Variants in JARID2 observed in about 807,000 individuals in gnomAD.
JARID2 encodes the protein jumonji and AT-rich interaction domain containing 2, also known as protein Jumonji.
Under a neutral mutation model 125.6 loss-of-function variants are expected in JARID2, and 21 were observed. That is an observed-to-expected ratio of 0.17 (90% CI 0.12 to 0.24). The LOEUF (loss-of-function observed/expected upper bound fraction) is 0.24. JARID2 is among the 10% of genes least tolerant of loss of function. The pLI is 1.00. For synonymous variants in JARID2, 736 were observed against 661.6 expected, an observed-to-expected ratio of 1.11 and a Z score of -1.73; for missense variants, 1,303 against 1,639.6, an observed-to-expected ratio of 0.79 and a Z score of 3.55.
In JARID2 at chr6:15,372,974, T is replaced by C. The variant is rs371869858; in HGVS notation, c.46-1143T>C. Among the ~76,000 whole-genome samples, 7 of 152,198 alleles carry C rather than the reference T, an allele frequency of 4.6e-5. No homozygotes were observed. The East Asian group carries it at 1.3e-3, about 29-fold the overall frequency. On this transcript the variant is annotated intron_variant, in intron 1 of 17. Coordinates refer to ENST00000341776, the MANE Select transcript of JARID2 (RefSeq NM_004973.4). ...TGCCCATCTTGGCCCCCAAAAGTGCTGGGATTACAGGCGTGAGGCACCATG... is the reference window on the plus strand; with the variant it reads ...TGCCCATCTTGGCCCCCAAAAGTGCCGGGATTACAGGCGTGAGGCACCATG...
At chr6:15,287,632 C>T (rs1761053781) in intron 1 of JARID2, among the ~76,000 whole-genome samples, 1 of 152,188 alleles carries the variant, frequency 6.6e-6, no homozygotes, top group African/African-American at 2.4e-5. Flanking sequence ...TTCAAGTTCA[C>T]AGACTTCAGA....
chr6:15,487,241 T>G, intron 5 of JARID2, 66 bp from the exon 6 acceptor site: 2 of 1,339,966 alleles, frequency 1.5e-6, no homozygotes, highest in Non-Finnish European at 2.1e-6. Flanking sequence ...AGCCAAACCA[T>G]ATCAGTAGTT....
intron 5 of JARID2, among the ~76,000 whole-genome samples, chr6:15,479,316 G>T (rs959181266): frequency 3.3e-5 from 5 of 152,188 alleles, no homozygotes; most frequent in African/African-American, 9.7e-5. Flanking sequence ...CTGATTTATG[G>T]TCTTTCTGTT....
intron 3 of JARID2, among the ~76,000 whole-genome samples, chr6:15,421,112 G>C (rs1224267777): frequency 6.6e-6 from 1 of 152,002 alleles, no homozygotes; most frequent in Non-Finnish European, 1.5e-5. Flanking sequence ...CTCAACCCCG[G>C]CTCTGCTTGC....
chr6:15,317,002 G>T (rs1272174441), intron 1 of JARID2, among the ~76,000 whole-genome samples: 1 of 152,194 alleles, frequency 6.6e-6, no homozygotes, highest in African/African-American at 2.4e-5. Flanking sequence ...GGGTTTCAAT[G>T]AGTGTACTTT....
chr6:15,392,680 CTTTTTTT>C (rs35429221), intron 2 of JARID2, among the ~76,000 whole-genome samples: 1 of 120,918 alleles, frequency 8.3e-6, no homozygotes, highest in Non-Finnish European at 1.7e-5. Context: ...GATTAAGAGA[CTTTTTTT>C]TTTTTTTTTT....
At chr6:15,439,998 T>G (rs1767376329) in intron 3 of JARID2, among the ~76,000 whole-genome samples, 1 of 152,232 alleles carries the variant, frequency 6.6e-6, no homozygotes, top group South Asian at 2.1e-4. Context: ...GTTGGTTCCG[T>G]GCCTGAAACA....
At chr6:15,385,526 T>A (rs1764752012) in intron 2 of JARID2, among the ~76,000 whole-genome samples, 1 of 150,638 alleles carries the variant, frequency 6.6e-6, no homozygotes, top group African/African-American at 2.4e-5. Flanking sequence ...TTTATAGATA[T>A]TATTTTATAG....
intron 1 of JARID2, among the ~76,000 whole-genome samples, chr6:15,324,923 C>A (rs1762488553): frequency 6.6e-6 from 1 of 151,250 alleles, no homozygotes; most frequent in African/African-American, 2.4e-5. Flanking sequence ...TGCCCTTTGT[C>A]AAAGAATTTC....
chr6:15,520,837 C>G lies in JARID2; in HGVS notation c.*586C>G, dbSNP rs1771804531. 2.2e-6 allele frequency: 1 copy of G among 455,654 alleles called. No individual in the cohort carries two copies. The highest frequency in any genetic ancestry group is 4.4e-6 in the Non-Finnish European group (1 of 226,750). 28.2% of individuals were successfully genotyped at this position (455,654 alleles called of 1,614,324 possible). Reference sequence around the variant, plus strand: ...TGGCAGCTGAAGGCGGACGTTGTTTCCTAACCATAGGTGGAACGAGGAGAC... The same window carrying G: ...TGGCAGCTGAAGGCGGACGTTGTTTGCTAACCATAGGTGGAACGAGGAGAC... On this transcript the variant is annotated 3_prime_UTR_variant, in exon 18 of 18. Transcript: ENST00000341776.
Position 15,496,173 on chromosome 6 carries a change from T to C in JARID2, c.948T>C (p.Gly316=), listed in dbSNP as rs758474065. The change falls in exon 7 of 18, where the codon GGT becomes GGC. Residue 316 remains glycine (G), a synonymous_variant. Coordinates refer to ENST00000341776, the MANE Select transcript of JARID2 (RefSeq NM_004973.4). ...GAGTCACTCGAATGTCATCTCTGGGTGCAGGTGTAACCAGTGCCAAAAAGA... is the reference window on the plus strand; with the variant it reads ...GAGTCACTCGAATGTCATCTCTGGGCGCAGGTGTAACCAGTGCCAAAAAGA... ...VNGVTRMSSL[G]AGVTSAKKMR... The C allele has an allele frequency of 1.2e-6, 2 of 1,614,042 alleles. No homozygotes were observed. Among genetic ancestry groups the C allele is most frequent in the Non-Finnish European group, 8.5e-7 (1 of 1,179,966 alleles).
At chr6:15,291,201 T>C (rs1214292992) in intron 1 of JARID2, among the ~76,000 whole-genome samples, 1 of 152,100 alleles carries the variant, frequency 6.6e-6, no homozygotes, top group Non-Finnish European at 1.5e-5. Context: ...CACCATTTCA[T>C]TCCAGCCTGG....
chr6:15,299,563 G>C (rs1761530368), intron 1 of JARID2, among the ~76,000 whole-genome samples: 1 of 152,166 alleles, frequency 6.6e-6, no homozygotes, highest in South Asian at 2.1e-4. Context: ...AACCTCAGTT[G>C]GCCTGCGTTG....
intron 7 of JARID2, among the ~76,000 whole-genome samples, chr6:15,497,650 C>CAAAAAAAA (rs67874437): frequency 1.2e-3 from 164 of 133,416 alleles, no homozygotes; most frequent in African/African-American, 1.8e-3. Context: ...GATTCCGTCT[C>CAAAAAAAA]AAAAAAAAAA....
chr6:15,377,001 G>A (rs1764380907), intron 2 of JARID2, among the ~76,000 whole-genome samples: 1 of 152,154 alleles, frequency 6.6e-6, no homozygotes, highest in South Asian at 2.1e-4. Context: ...ATATATGCGT[G>A]TATGTATATG....
At chr6:15,332,940 T>C (rs1273354191) in intron 1 of JARID2, among the ~76,000 whole-genome samples, 12 of 130,926 alleles carry the variant, frequency 9.2e-5, no homozygotes, top group South Asian at 2.6e-4. Context: ...CTTTTCTTTT[T>C]TTTTTTTTTT....
Position 15,496,503 on chromosome 6 carries a change from G to A in JARID2, c.1278G>A (p.Gln426=), listed in dbSNP as rs1482663850. 3 of 1,606,646 alleles carry A rather than the reference G, an allele frequency of 1.9e-6. No individual in the cohort carries two copies. In the Admixed American group the frequency reaches 5.0e-5, roughly 27 times the overall value. The change falls in exon 7 of 18, where the codon CAG becomes CAA. Residue 426 remains glutamine (Q), a synonymous_variant. Transcript: ENST00000341776. ...KSCTKEVGGR[Q]LREGLQLREG... is the part of the protein sequence containing the mutation. ...GCACTAAGGAGGTGGGGGGGCGGCA[G>A]CTGCGGGAGGGCCTGCAGCTGCGGG...
chr6:15,252,653 G>T (rs1759500136), intron 1 of JARID2, among the ~76,000 whole-genome samples: 2 of 152,304 alleles, frequency 1.3e-5, no homozygotes, highest in Non-Finnish European at 1.5e-5. Context: ...TTTTACTTAT[G>T]AGATATTGTG....
At chr6:15,511,274 C>T in intron 12 of JARID2, 22 bp from the exon 13 acceptor site, 2 of 1,553,356 alleles carry the variant, frequency 1.3e-6, no homozygotes, top group Non-Finnish European at 1.8e-6. Flanking sequence ...CTGCTTGTCT[C>T]TTGTGTCTCT....
Sources: allele counts gnomAD v4.1 joint callset (sites outside exome capture counted in the v4.1 genomes callset), GRCh38; gene constraint gnomAD v4.1.1; transcripts MANE v1.5; gene names NCBI Gene and HGNC (gene_info 2026-07-23, HGNC 2026-07-21).